The following TUSC3 variants were observed in gnomAD, a reference collection of about 807,000 sequenced individuals.
TUSC3 encodes tumor suppressor candidate 3, also known as dolichyl-diphosphooligosaccharide--protein glycosyltransferase subunit TUSC3.
Under a neutral mutation model 44.8 loss-of-function variants are expected in TUSC3, and 45 were observed. The ratio of observed to expected loss-of-function variants is 1.00; its 90% CI spans 0.79 to 1.29. The LOEUF is 1.29. Among genes scored for constraint, TUSC3 ranks in the 50% most tolerant of loss-of-function variants. The pLI, the probability that TUSC3 is intolerant of heterozygous loss-of-function variation, is 0.00. For missense variants in TUSC3, 519 were observed against 437.9 expected (o/e 1.19, Z -1.65); for synonymous variants, 212 against 152.9 (o/e 1.39, Z -2.85).
At chr8:15,526,766 G>A (rs1159340637) in intron 2 of TUSC3, among the ~76,000 whole-genome samples, 1 of 152,110 alleles carries the variant, frequency 6.6e-6, no homozygotes, top group Non-Finnish European at 1.5e-5. Context: ...CTAATACAGA[G>A]TCCACATATA....
At chr8:15,499,687 G>A (rs955334476) in intron 2 of TUSC3, among the ~76,000 whole-genome samples, 1 of 152,162 alleles carries the variant, frequency 6.6e-6, no homozygotes, top group Non-Finnish European at 1.5e-5. Flanking sequence ...GGGTGTGTCT[G>A]TGAGGGTGTT....
chr8:15,724,491 T>G (rs1810422816), intron 6 of TUSC3, among the ~76,000 whole-genome samples: 1 of 152,192 alleles, frequency 6.6e-6, no homozygotes, highest in East Asian at 1.9e-4. Context: ...CTTTGACTTC[T>G]TAGAAGTGTT....
chr8:15,480,379 A>G (rs1800641782), intron 1 of TUSC3, among the ~76,000 whole-genome samples: 1 of 152,206 alleles, frequency 6.6e-6, no homozygotes, highest in Non-Finnish European at 1.5e-5. Flanking sequence ...CATATGCTAT[A>G]CTTGACTTTT....
chr8:15,742,948 G>T (rs1225593319), intron 7 of TUSC3, among the ~76,000 whole-genome samples: 1 of 152,162 alleles, frequency 6.6e-6, no homozygotes, highest in African/African-American at 2.4e-5. Context: ...GTAATTTTGT[G>T]ATCTCATTCT....
At chr8:15,591,749 CAG>C (rs948848045) in intron 1 of TUSC3, among the ~76,000 whole-genome samples, 2 of 152,056 alleles carry the variant, frequency 1.3e-5, no homozygotes, top group Admixed American at 6.6e-5. Context: ...AGTTATAATG[CAG>C]AGTGAGCCAA....
At chr8:15,460,633 A>G (rs1257381257) in intron 1 of TUSC3, among the ~76,000 whole-genome samples, 1 of 152,070 alleles carries the variant, frequency 6.6e-6, no homozygotes, top group African/African-American at 2.4e-5. Context: ...TTTTTCCAAT[A>G]TTATTTTCTA....
intron 7 of TUSC3, among the ~76,000 whole-genome samples, chr8:15,738,827 C>CTTTTTTTTTTTTTTTT (rs375655033): frequency 5.7e-5 from 5 of 87,202 alleles, no homozygotes; most frequent in African/African-American, 1.9e-4. Flanking sequence ...ATATATCTTG[C>CTTTTTTTTTTTTTTTT]TTTTTTTTTT....
chr8:15,448,147 C>T (rs965486881), intron 1 of TUSC3, among the ~76,000 whole-genome samples: 1 of 16,582 alleles, frequency 6.0e-5, no homozygotes, highest in Non-Finnish European at 2.8e-4. Context: ...TAGATGGAGT[C>T]TTGCTCTGTC....
chr8:15,447,557 A>C (rs2129119670), intron 1 of TUSC3, among the ~76,000 whole-genome samples: 1 of 152,330 alleles, frequency 6.6e-6, no homozygotes, highest in East Asian at 1.9e-4. Context: ...CAATGAAAAA[A>C]GCAATAAAAA....
rs900548198 is a variant in TUSC3 at position 15,526,756 on chromosome 8, C to A, written n.189+43273C>A. Among the ~76,000 whole-genome samples the A allele has an allele frequency of 2.0e-5, 3 of 152,228 alleles. No homozygotes were observed. The East Asian group carries it at 5.8e-4, about 29-fold the overall frequency. ...TGTTCATCAGCAGCATGATAACAGACTAATACAGAGTCCACATATAAAATG... is the reference window on the plus strand; with the variant it reads ...TGTTCATCAGCAGCATGATAACAGAATAATACAGAGTCCACATATAAAATG... On this transcript the variant is annotated intron_variant and non_coding_transcript_variant, in intron 2 of 5. Coordinates refer to the TUSC3 transcript ENST00000503191.
intron 2 of TUSC3, among the ~76,000 whole-genome samples, chr8:15,637,120 A>G (rs976011802): frequency 6.6e-6 from 1 of 152,148 alleles, no homozygotes; most frequent in Non-Finnish European, 1.5e-5. Flanking sequence ...ATTTTTAGAA[A>G]TGTTATTATA....
intron 2 of TUSC3, among the ~76,000 whole-genome samples, chr8:15,647,203 T>C (rs1806671160): frequency 6.6e-6 from 1 of 152,150 alleles, no homozygotes; most frequent in African/African-American, 2.4e-5. Flanking sequence ...TACATTATTA[T>C]TTCTGCATAA....
intron 1 of TUSC3, among the ~76,000 whole-genome samples, chr8:15,562,537 C>T (rs1391844051): frequency 5.9e-5 from 9 of 152,104 alleles, no homozygotes; most frequent in Non-Finnish European, 1.2e-4. Context: ...GAAGTCTGGG[C>T]ATGGTGTAGC....
At chr8:15,609,764 A>G (rs144400955) in intron 1 of TUSC3, among the ~76,000 whole-genome samples, 966 of 152,134 alleles carry the variant, frequency 6.3e-3, no homozygotes, top group Middle Eastern at 0.014. Context: ...AAAAAAAAAC[A>G]TGTTTTCACT....
chr8:15,583,684 C>A, intron 1 of TUSC3, among the ~76,000 whole-genome samples: 1 of 152,080 alleles, frequency 6.6e-6, no homozygotes, highest in East Asian at 1.9e-4. Flanking sequence ...TGGAAGTGTT[C>A]ACCTTTAGTG....
intron 2 of TUSC3, among the ~76,000 whole-genome samples, chr8:15,514,716 T>C (rs1354578700): frequency 6.6e-6 from 1 of 151,700 alleles, no homozygotes; most frequent in Non-Finnish European, 1.5e-5. Flanking sequence ...ATTCACTTTA[T>C]TTATTTTATG....
At chr8:15,592,658 C>G (rs1339129484) in intron 1 of TUSC3, among the ~76,000 whole-genome samples, 1 of 152,186 alleles carries the variant, frequency 6.6e-6, no homozygotes, top group Non-Finnish European at 1.5e-5. Flanking sequence ...TGACACCATG[C>G]TTGTACAGCT....
chr8:15,758,499 G>T (rs1202680279), intron 10 of TUSC3, among the ~76,000 whole-genome samples: 1 of 151,808 alleles, frequency 6.6e-6, no homozygotes, highest in Admixed American at 6.6e-5. Flanking sequence ...ACCCCCTCAA[G>T]ACCAGAGAAC....
the TUSC3 span, among the ~76,000 whole-genome samples, chr8:15,785,748 A>C: frequency 1.3e-5 from 2 of 152,114 alleles, no homozygotes; most frequent in Non-Finnish European, 2.9e-5. Context: ...AACGCCTGGT[A>C]GTACAGAATA....
Sources: gnomAD v4.1 joint callset for allele counts (sites outside exome capture counted in the v4.1 genomes callset) on GRCh38, gnomAD v4.1.1 for gene constraint, MANE v1.5 for transcripts, NCBI Gene and HGNC (gene_info 2026-07-23, HGNC 2026-07-21) for gene names.